The following KDM4B variants were observed in gnomAD, a reference collection of about 807,000 sequenced individuals.
KDM4B encodes lysine demethylase 4B.
KDM4B carries 32 observed loss-of-function variants against 125.2 expected under a neutral mutation model. The observed-to-expected ratio is 0.26, with a 90% CI of 0.19 to 0.34. The LOEUF (loss-of-function observed/expected upper bound fraction) is 0.34. Ranked by LOEUF, KDM4B falls within the 10% of genes least tolerant of loss-of-function variation. KDM4B has a pLI of 1.00. For missense variants in KDM4B, 1,190 were observed against 1,577.7 expected, an observed-to-expected ratio of 0.75 and a Z score of 4.16; for synonymous variants, 721 against 677.9, an observed-to-expected ratio of 1.06 and a Z score of -0.99.
rs572428677 is a variant in KDM4B, at chr19:5,142,362, C to G, written c.2551-1605C>G. On this transcript the variant is annotated intron_variant, in intron 18 of 22. Transcript: ENST00000159111. The surrounding 1 kb of genome is among the most constrained non-coding windows in gnomAD (Gnocchi z 5.4). ...TGCCCGACCTCCTGTGGCCACAGCG[C>G]GTGGCGTGACTGGACCTCGCCTTAG... Among the ~76,000 whole-genome samples, 4 of 152,316 alleles carry G rather than the reference C, an allele frequency of 2.6e-5. No homozygotes were observed. The South Asian group carries it at 8.3e-4, about 32-fold the overall frequency.
chr19:5,028,194 C>G (rs1166780279), intron 2 of KDM4B, among the ~76,000 whole-genome samples: 1 of 152,110 alleles, frequency 6.6e-6, no homozygotes, highest in Non-Finnish European at 1.5e-5. Context: ...CTAGGCTGGT[C>G]TCGAACTCCT....
At chr19:4,987,818 G>A (rs1437224377) in intron 1 of KDM4B, among the ~76,000 whole-genome samples, 1 of 152,176 alleles carries the variant, frequency 6.6e-6, no homozygotes, top group Non-Finnish European at 1.5e-5. Context: ...GTGATTCATG[G>A]CAATGGCTCA....
rs769187744 is a variant in KDM4B at position 5,114,069 on chromosome 19, C to T, written c.1115+3251C>T. 7.0e-6 allele frequency: 9 copies of T among 1,288,926 alleles called. No homozygotes were observed. The South Asian group carries it at 1.1e-4, about 16-fold the overall frequency. The allele number at this position is 1,288,926 out of a possible 1,614,324, so 79.8% of individuals were successfully genotyped here. A position where few individuals can be genotyped will look rare whatever the true frequency, so the allele number is the denominator to read the frequency against. ...CCTAAAACTGCAGCCTGGCTCCTGG[C>T]GGGTGCCCTCAGCCTCCCCACTCCC... is the stretch of plus-strand genomic sequence containing the variant. On this transcript the variant is annotated intron_variant, in intron 10 of 22. Transcript: ENST00000159111. The surrounding 1 kb of genome is among the most constrained non-coding windows in gnomAD (Gnocchi z 5.8).
At position 5,151,469 on chromosome 19, in the gene KDM4B, G is replaced by A; in HGVS notation, c.3249G>A (p.Glu1083=). Residue 1083 remains glutamate, a synonymous_variant, in exon 23 of 23, where the codon GAG becomes GAA. Coordinates refer to ENST00000159111, the MANE Select transcript of KDM4B (RefSeq NM_015015.3). Reference sequence around the variant, plus strand: ...GCCAGGACTACGTGGCCTTCGTGGAGAGCCTCCTGCAGGTGCAGGGCCGGC... The same window carrying A: ...GCCAGGACTACGTGGCCTTCGTGGAAAGCCTCCTGCAGGTGCAGGGCCGGC... The part of the protein sequence containing the change: ...GRSQDYVAFV[E]SLLQVQGRPG... The A allele has an allele frequency of 2.6e-6, 4 of 1,516,782 alleles. No individual in the cohort carries two copies. The highest frequency in any genetic ancestry group is 3.5e-6 in the Non-Finnish European group (4 of 1,132,872). 94.0% of individuals were successfully genotyped at this position (1,516,782 alleles called of 1,614,324 possible).
intron 9 of KDM4B, among the ~76,000 whole-genome samples, chr19:5,099,134 A>G (rs2038883892): frequency 6.6e-6 from 1 of 152,224 alleles, no homozygotes; most frequent in African/African-American, 2.4e-5. Flanking sequence ...TGGGCAGTGG[A>G]GAGGATTGCA....
intron 9 of KDM4B, among the ~76,000 whole-genome samples, chr19:5,090,169 G>A (rs1036660074): frequency 5.9e-5 from 9 of 152,274 alleles, no homozygotes; most frequent in African/African-American, 1.9e-4. Context: ...GTGCAGGGGA[G>A]GGGTCCTAGC....
Position 5,151,683 on chromosome 19 carries a change from A to C in KDM4B, c.*172A>C, listed in dbSNP as rs1248761456. On this transcript the variant is annotated 3_prime_UTR_variant, in exon 23 of 23. Coordinates refer to ENST00000159111, the MANE Select transcript of KDM4B (RefSeq NM_015015.3). ...CCAGCGGGACGCCGCACGCGGCCCC[A>C]GACTCAGGGAGCAGGGCCAGGCGGG... is the stretch of plus-strand genomic sequence containing the variant. The C allele has an allele frequency of 2.0e-6, 1 of 495,184 alleles. No homozygotes were observed. Among genetic ancestry groups the C allele is most frequent in the Non-Finnish European group, 3.2e-6 (1 of 314,150 alleles). The allele number at this position is 495,184 out of a possible 1,614,324, so 30.7% of individuals were successfully genotyped here.
chr19:5,136,181 G>T (rs2039645338), intron 15 of KDM4B, among the ~76,000 whole-genome samples: 1 of 152,230 alleles, frequency 6.6e-6, no homozygotes, highest in East Asian at 1.9e-4. Flanking sequence ...AACTCAGGCA[G>T]CCGCTACGCC....
At chr19:4,984,476 T>C (rs942577251) in intron 1 of KDM4B, among the ~76,000 whole-genome samples, 1 of 152,112 alleles carries the variant, frequency 6.6e-6, no homozygotes, top group African/African-American at 2.4e-5. Context: ...CGGGGTTTTA[T>C]GGGCCAGGAA....
chr19:5,142,460 C>T lies in KDM4B; in HGVS notation c.2551-1507C>T, dbSNP rs2039762313. 6.6e-6 allele frequency among the ~76,000 whole-genome samples: 1 copy of T among 152,208 alleles called. No homozygotes were observed. Among genetic ancestry groups the T allele is most frequent in the South Asian group, 2.1e-4 (1 of 4,830 alleles). On this transcript the variant is annotated intron_variant, in intron 18 of 22. Coordinates refer to ENST00000159111, the MANE Select transcript of KDM4B (RefSeq NM_015015.3). This position sits in a 1 kb window ranked among gnomAD's most constrained non-coding sequence, Gnocchi z 5.4. The stretch of plus-strand genomic sequence containing the variant: ...ATGGTCCCATGGGTCCGGGGGCACG[C>T]TTTTCACAACGTGGAGATGCAGGGT...
At chr19:5,093,737 C>T (rs1184691622) in intron 9 of KDM4B, among the ~76,000 whole-genome samples, 1 of 152,182 alleles carries the variant, frequency 6.6e-6, no homozygotes, top group Non-Finnish European at 1.5e-5. Flanking sequence ...CCACTCGCCC[C>T]GGTTGGTGTC....
At chr19:5,000,858 C>T (rs1343292095) in intron 1 of KDM4B, among the ~76,000 whole-genome samples, 1 of 152,126 alleles carries the variant, frequency 6.6e-6, no homozygotes, top group Non-Finnish European at 1.5e-5. Flanking sequence ...GTGTATAGAA[C>T]ATTAGCATGG....
intron 1 of KDM4B, among the ~76,000 whole-genome samples, chr19:4,987,602 G>A (rs1358148869): frequency 6.6e-6 from 1 of 152,186 alleles, no homozygotes; most frequent in East Asian, 1.9e-4. Context: ...GATACCCTTT[G>A]GATTTAGCGG....
At chr19:5,054,507 C>T (rs1045326470) in intron 6 of KDM4B, among the ~76,000 whole-genome samples, 4 of 151,990 alleles carry the variant, frequency 2.6e-5, no homozygotes, top group African/African-American at 7.3e-5. Flanking sequence ...CATGCACATG[C>T]GTACACATGT....
intron 9 of KDM4B, among the ~76,000 whole-genome samples, chr19:5,100,417 G>A (rs746891779): frequency 1.3e-5 from 2 of 152,126 alleles, no homozygotes; most frequent in Non-Finnish European, 2.9e-5. Context: ...TGTTGTTGTT[G>A]TTGTTGTTGT....
chr19:5,054,659 G>A lies in KDM4B; in HGVS notation c.626+6990G>A, dbSNP rs1033727103. ...AACTGGACTTTACCCACTTAGCTGCGAGAACTCGGGCCAGGAGCTGAGCTG... is the reference window on the plus strand; with the variant it reads ...AACTGGACTTTACCCACTTAGCTGCAAGAACTCGGGCCAGGAGCTGAGCTG... On this transcript the variant is annotated intron_variant, in intron 6 of 22. Transcript: ENST00000159111. Among the ~76,000 whole-genome samples the A allele has an allele frequency of 2.6e-5, 4 of 152,200 alleles. No homozygotes were observed. In the East Asian group the frequency reaches 7.7e-4, roughly 29 times the overall value.
At chr19:5,056,685 CGT>C (rs2037405630) in intron 6 of KDM4B, among the ~76,000 whole-genome samples, 1 of 152,198 alleles carries the variant, frequency 6.6e-6, no homozygotes, top group African/African-American at 2.4e-5. Context: ...GCGTTACAGA[CGT>C]GTGTCACTGT....
chr19:5,151,408 TG>T lies in KDM4B; in HGVS notation c.3191del (p.Gly1064AlafsTer133). ...GCCAAGGCCGCCAAGCGCCCGCGTG[TG>T]GGCACCCCGCTTGCCACGGAGGACT... ...EEAKAAKRPR[V>X]GTPLATEDSG... On this transcript the variant is annotated frameshift_variant, in exon 23 of 23. Coordinates refer to ENST00000159111, the MANE Select transcript of KDM4B (RefSeq NM_015015.3). LOFTEE classifies it high-confidence loss of function. 1 of 1,580,682 alleles carries T rather than the reference TG, an allele frequency of 6.3e-7. No homozygotes were observed. Among genetic ancestry groups the T allele is most frequent in the Non-Finnish European group, 8.6e-7 (1 of 1,165,950 alleles).
chr19:5,135,276 G>A lies in KDM4B; in HGVS notation c.2086-63G>A, dbSNP rs887801778. ...GGGGCAGGTGCCCTGAGAGAGGTCC[G>A]CGCCGCCCGCCCGCCTGCCCCACAC... On this transcript the variant is annotated intron_variant, in intron 14 of 22. Transcript: ENST00000159111. The A allele has an allele frequency of 1.9e-5, 22 of 1,187,920 alleles. 1 individual carries two copies. In the Admixed American group the frequency reaches 2.2e-4, roughly 12 times the overall value. 73.6% of individuals were successfully genotyped at this position (1,187,920 alleles called of 1,614,324 possible).
Sources: allele counts gnomAD v4.1 joint callset (sites outside exome capture counted in the v4.1 genomes callset), GRCh38; gene constraint gnomAD v4.1.1; non-coding constraint Gnocchi (gnomAD v3.1); transcripts MANE v1.5; gene names NCBI Gene and HGNC (gene_info 2026-07-23, HGNC 2026-07-21).